PPARGC1A: variants seen among roughly 807,000 people sequenced by gnomAD.
PPARGC1A encodes the protein PPARG coactivator 1 alpha.
A neutral mutation model predicts 88.7 loss-of-function variants in PPARGC1A; 25 were observed. The ratio of observed to expected loss-of-function variants is 0.28; its 90% CI spans 0.21 to 0.39. The LOEUF (loss-of-function observed/expected upper bound fraction) is 0.39. PPARGC1A is among the 10% of genes least tolerant of loss of function. The probability of loss-of-function intolerance (pLI) is 1.00; values close to 1 mark genes in which losing one functional copy is unlikely to be tolerated. For synonymous variants in PPARGC1A, 363 were observed against 355.6 expected, an observed-to-expected ratio of 1.02 and a Z score of -0.24; for missense variants, 880 against 968.7, an observed-to-expected ratio of 0.91 and a Z score of 1.22.
intron 2 of PPARGC1A, chr4:23,866,104 G>C (rs1363456487): frequency 1.3e-5 from 2 of 152,154 alleles, no homozygotes; most frequent in African/African-American, 2.4e-5. Context: ...ATGTAAGAAA[G>C]AAAGATACCA....
At chr4:23,839,106 T>C (rs1726571101) in intron 2 of PPARGC1A, among the ~76,000 whole-genome samples, 1 of 152,204 alleles carries the variant, frequency 6.6e-6, no homozygotes, top group Non-Finnish European at 1.5e-5. Flanking sequence ...CACATATTCC[T>C]ATTTAAACAG....
the PPARGC1A span, among the ~76,000 whole-genome samples, chr4:24,048,243 C>T: frequency 2.6e-5 from 4 of 152,208 alleles, no homozygotes; most frequent in African/African-American, 9.6e-5. Context: ...TTCTTAAAAG[C>T]AAGATGGTGC....
the PPARGC1A span, among the ~76,000 whole-genome samples, chr4:23,990,270 T>C: frequency 6.6e-6 from 1 of 151,002 alleles, no homozygotes; most frequent in African/African-American, 2.4e-5. Context: ...GTTGATAATT[T>C]ACAAGGTACT....
the PPARGC1A span, among the ~76,000 whole-genome samples, chr4:24,110,291 A>G: frequency 6.6e-6 from 1 of 152,192 alleles, no homozygotes; most frequent in African/African-American, 2.4e-5. Flanking sequence ...TTAACTTAAG[A>G]GCTCAATAAG....
the PPARGC1A span, among the ~76,000 whole-genome samples, chr4:23,990,965 C>G: frequency 1.3e-5 from 2 of 152,028 alleles, no homozygotes; most frequent in East Asian, 3.9e-4. Context: ...ACAGCTCACC[C>G]TACAAGAGTT....
Position 23,792,614 on chromosome 4 carries a change from GAAAAAA to G in PPARGC1A, c.*3202_*3207del, listed in dbSNP as rs896650233. 13 of 150,488 alleles carry G rather than the reference GAAAAAA, an allele frequency of 8.6e-5. No homozygotes were observed. Among genetic ancestry groups the G allele is most frequent in the African/African-American group, 3.2e-4 (13 of 41,042 alleles). The allele number at this position is 150,488 out of a possible 1,614,324, so 9.3% of individuals were successfully genotyped here. A position where few individuals can be genotyped will look rare whatever the true frequency, so the allele number is the denominator to read the frequency against. ...ATTCTGCTACATCTCTTTTAAAAAAGAAAAAAATCCACATTACTAAAGCACCAGTTC... is the reference window on the plus strand; with the variant it reads ...ATTCTGCTACATCTCTTTTAAAAAAGATCCACATTACTAAAGCACCAGTTC... On this transcript the variant is annotated 3_prime_UTR_variant, in exon 13 of 13. Transcript: ENST00000264867.
chr4:23,934,367 C>T, the PPARGC1A span, among the ~76,000 whole-genome samples: 2 of 152,218 alleles, frequency 1.3e-5, no homozygotes, highest in Non-Finnish European at 2.9e-5. Context: ...TGTTCAGCAG[C>T]GACACTGTGT....
intron 2 of PPARGC1A, among the ~76,000 whole-genome samples, chr4:23,841,777 C>CA (rs1158223228): frequency 6.6e-6 from 1 of 151,982 alleles, no homozygotes; most frequent in Admixed American, 6.6e-5. Context: ...CCAACTTGTA[C>CA]TTTTTCTGTT....
intron 2 of PPARGC1A, among the ~76,000 whole-genome samples, chr4:23,842,603 T>C (rs1009545807): frequency 6.6e-6 from 1 of 152,066 alleles, no homozygotes; most frequent in Non-Finnish European, 1.5e-5. Flanking sequence ...CTGTCCTGTG[T>C]GTTTTAGAAT....
chr4:24,205,204 A>G, the PPARGC1A span, among the ~76,000 whole-genome samples: 1 of 152,174 alleles, frequency 6.6e-6, no homozygotes, highest in Non-Finnish European at 1.5e-5. Context: ...ACATTTTGAT[A>G]AGGTGGGCAC....
chr4:23,961,211 G>A, the PPARGC1A span, among the ~76,000 whole-genome samples: 4 of 152,052 alleles, frequency 2.6e-5, no homozygotes, highest in South Asian at 4.1e-4. Flanking sequence ...CAGAACTTCC[G>A]ATGACAGAGC....
chr4:23,935,652 T>C, the PPARGC1A span, among the ~76,000 whole-genome samples: 1 of 152,224 alleles, frequency 6.6e-6, no homozygotes, highest in Non-Finnish European at 1.5e-5. Flanking sequence ...CTTATTTTAT[T>C]ACAAATAACA....
the PPARGC1A span, among the ~76,000 whole-genome samples, chr4:23,920,491 G>A: frequency 2.0e-5 from 3 of 152,172 alleles, no homozygotes; most frequent in East Asian, 3.8e-4. Context: ...AAAACTCTAT[G>A]TGGCCAGCAG....
At chr4:24,165,001 T>C in the PPARGC1A span, among the ~76,000 whole-genome samples, 1 of 152,130 alleles carries the variant, frequency 6.6e-6, no homozygotes, top group African/African-American at 2.4e-5. Flanking sequence ...CAAGATTTGC[T>C]GACACAACTA....
chr4:24,255,697 T>C, the PPARGC1A span, among the ~76,000 whole-genome samples: 1 of 152,212 alleles, frequency 6.6e-6, no homozygotes, highest in Non-Finnish European at 1.5e-5. Flanking sequence ...GGCATAATCA[T>C]ATAGGTGGAA....
chr4:24,278,191 GAAATA>G, the PPARGC1A span, among the ~76,000 whole-genome samples: 1 of 151,774 alleles, frequency 6.6e-6, no homozygotes, highest in Non-Finnish European at 1.5e-5. Flanking sequence ...AATAAAAATT[GAAATA>G]AAATAAGACG....
the PPARGC1A span, among the ~76,000 whole-genome samples, chr4:24,303,969 A>G: frequency 2.6e-5 from 4 of 152,220 alleles, no homozygotes; most frequent in East Asian, 3.8e-4. Flanking sequence ...CCAATAAGAA[A>G]TGTACATAAA....
the PPARGC1A span, among the ~76,000 whole-genome samples, chr4:24,150,450 G>T: frequency 1.3e-5 from 2 of 152,026 alleles, no homozygotes; most frequent in Non-Finnish European, 2.9e-5. Flanking sequence ...ATTAAACAAC[G>T]TTCAGAAAAA....
intron 2 of PPARGC1A, among the ~76,000 whole-genome samples, chr4:23,843,021 T>C (rs1253946697): frequency 6.6e-6 from 1 of 152,130 alleles, no homozygotes; most frequent in African/African-American, 2.4e-5. Flanking sequence ...TGCCCTTCCC[T>C]GTTGATTACA....
Sources: allele counts gnomAD v4.1 joint callset (sites outside exome capture counted in the v4.1 genomes callset), GRCh38; gene constraint gnomAD v4.1.1; transcripts MANE v1.5; gene names NCBI Gene and HGNC (gene_info 2026-07-23, HGNC 2026-07-21).